Variants in SENP2 observed in about 807,000 individuals in gnomAD.
SENP2 encodes SUMO specific peptidase 2.
In SENP2, 16 loss-of-function variants were observed where a neutral mutation model predicts 86.3. The observed-to-expected ratio is 0.19, with a 90% CI of 0.13 to 0.28. The LOEUF (loss-of-function observed/expected upper bound fraction) is 0.28. Ranked by LOEUF, SENP2 falls within the 10% of genes least tolerant of loss-of-function variation. The pLI is 1.00. For missense variants in SENP2, 552 were observed against 703.0 expected (o/e 0.79, Z 2.43); for synonymous variants, 222 against 238.7 (o/e 0.93, Z 0.64).
intron 1 of SENP2, among the ~76,000 whole-genome samples, chr3:185,587,732 A>ATTTTTTTTTTTTTTTTTTTTTTTT (rs59565990): frequency 1.4e-5 from 1 of 73,028 alleles, no homozygotes; most frequent in African/African-American, 5.9e-5. Context: ...ATGCCCGGCT[A>ATTTTTTTTTTTTTTTTTTTTTTTT]TTTTTTTTTT....
chr3:185,625,346 C>T (rs897403356), intron 15 of SENP2, among the ~76,000 whole-genome samples: 2 of 152,010 alleles, frequency 1.3e-5, no homozygotes, highest in African/African-American at 2.4e-5. Context: ...CTCCTGACCT[C>T]GTGATCCGCC....
chr3:185,615,449 T>G (rs1290074046), intron 11 of SENP2, among the ~76,000 whole-genome samples: 4 of 152,196 alleles, frequency 2.6e-5, no homozygotes, highest in African/African-American at 9.7e-5. Flanking sequence ...GTTCAAGTGA[T>G]TCTCCTGGCT....
intron 2 of SENP2, 107 bp downstream of exon 2, chr3:185,590,276 CG>C: frequency 4.1e-6 from 2 of 489,268 alleles, no homozygotes. Context: ...AAGTCTTGGC[CG>C]GGCGCAGTGG....
At chr3:185,587,584 T>TTTTTTTTTTTTTTTTTG (rs1560186545) in intron 1 of SENP2, among the ~76,000 whole-genome samples, 1 of 149,576 alleles carries the variant, frequency 6.7e-6, no homozygotes, top group Admixed American at 6.7e-5. Context: ...TTTTTTTTTT[T>TTTTTTTTTTTTTTTTTG]GAGAAGGAGT....
chr3:185,628,134 T>TATG (rs1204348690), intron 16 of SENP2, among the ~76,000 whole-genome samples: 3 of 150,952 alleles, frequency 2.0e-5, no homozygotes, highest in African/African-American at 7.4e-5. Context: ...ACTAGTTTAT[T>TATG]ATTATTATTA....
At chr3:185,616,775 C>CAA (rs34897313) in intron 11 of SENP2, among the ~76,000 whole-genome samples, 1,379 of 121,756 alleles carry the variant, frequency 0.011, 27 homozygotes, top group African/African-American at 0.034. Flanking sequence ...ACTCCGTCTC[C>CAA]AAAAAAAAAA....
intron 16 of SENP2, among the ~76,000 whole-genome samples, chr3:185,627,088 A>C (rs1277266849): frequency 6.6e-6 from 1 of 150,920 alleles, no homozygotes; most frequent in African/African-American, 2.4e-5. Flanking sequence ...TGTCTCAAAA[A>C]AAAAAAAAAA....
rs867086532 is a variant in SENP2, at chr3:185,590,990, T to C, written c.157+821T>C. The stretch of plus-strand genomic sequence containing the variant: ...CGCAATCTCGGCTCACTGCAAGCTC[T>C]GCCTCCCAGGTTCACGCCATTCTCC... On this transcript the variant is annotated intron_variant, in intron 2 of 16. Transcript: ENST00000296257. Among the ~76,000 whole-genome samples the C allele has an allele frequency of 7.0e-4, 88 of 126,100 alleles. 1 individual carries two copies. Among genetic ancestry groups the C allele is most frequent in the Admixed American group, 6.7e-4 (8 of 11,906 alleles). The allele number at this position is 126,100 out of a possible 152,430, so 82.7% of individuals were successfully genotyped here.
rs34907174 is a variant in SENP2, at chr3:185,592,619, C to CT, written c.157+2465dup. 3.5e-3 allele frequency among the ~76,000 whole-genome samples: 496 copies of CT among 142,306 alleles called. 2 individuals carry two copies. Among genetic ancestry groups the CT allele is most frequent in the African/African-American group, 0.01 (389 of 38,808 alleles). 93.4% of individuals were successfully genotyped at this position (142,306 alleles called of 152,430 possible). ...ACAAAAATTAGTAAGACAGGGTCTC[C>CT]TTTTTTTTTTTTTTTGAGATGGAGT... On this transcript the variant is annotated intron_variant, in intron 2 of 16. Coordinates refer to ENST00000296257, the MANE Select transcript of SENP2 (RefSeq NM_021627.3).
intron 7 of SENP2, among the ~76,000 whole-genome samples, chr3:185,610,894 C>G (rs978055050): frequency 6.6e-6 from 1 of 151,932 alleles, no homozygotes; most frequent in Non-Finnish European, 1.5e-5. Context: ...GGAGGCGGAG[C>G]TTGCAGTGAG....
intron 11 of SENP2, among the ~76,000 whole-genome samples, chr3:185,615,894 C>T (rs1013327513): frequency 2.7e-4 from 41 of 151,948 alleles, no homozygotes; most frequent in South Asian, 6.2e-4. Flanking sequence ...GATAGAGTCT[C>T]GCTCTGTTGG....
chr3:185,606,796 A>T, intron 6 of SENP2: 1 of 527,374 alleles, frequency 1.9e-6, no homozygotes, highest in Admixed American at 2.1e-5. Flanking sequence ...CTGTGACAGG[A>T]TCAAGCATGT....
intron 8 of SENP2, chr3:185,612,248 C>A: frequency 5.5e-6 from 1 of 181,500 alleles, no homozygotes; most frequent in Non-Finnish European, 1.2e-5. Flanking sequence ...CATAACATGG[C>A]TCTGGATTAT....
Position 185,631,005 on chromosome 3 carries a change from A to G in SENP2, c.*1161A>G, listed in dbSNP as rs1340066405. 1 of 152,194 alleles carries G rather than the reference A, an allele frequency of 6.6e-6. No individual in the cohort carries two copies. Among genetic ancestry groups the G allele is most frequent in the Non-Finnish European group, 1.5e-5 (1 of 68,026 alleles). 9.4% of individuals were successfully genotyped at this position (152,194 alleles called of 1,614,324 possible). On this transcript the variant is annotated 3_prime_UTR_variant, in exon 17 of 17. Transcript: ENST00000296257. ...ACCTTACTGATATGGTTATAACTTC[A>G]GACAGTTTAGAGTTGGTCAGAACAT...
intron 3 of SENP2, among the ~76,000 whole-genome samples, chr3:185,598,757 T>C (rs1577722129): frequency 6.6e-6 from 1 of 152,220 alleles, no homozygotes; most frequent in African/African-American, 2.4e-5. Flanking sequence ...TTATTACATA[T>C]GCTTTCTTAT....
At chr3:185,597,605 C>T (rs1040532165) in intron 2 of SENP2, among the ~76,000 whole-genome samples, 7 of 151,536 alleles carry the variant, frequency 4.6e-5, no homozygotes, top group Admixed American at 2.6e-4. Flanking sequence ...CCACCCACCT[C>T]GGCCTCCCAC....
intron 16 of SENP2, among the ~76,000 whole-genome samples, chr3:185,627,580 T>C (rs1021255507): frequency 1.3e-5 from 2 of 152,126 alleles, no homozygotes; most frequent in African/African-American, 4.8e-5. Flanking sequence ...GCCCAGCTAA[T>C]TTTTGTATTT....
intron 5 of SENP2, 72 bp from the exon 6 acceptor site, chr3:185,606,258 G>A: frequency 5.0e-6 from 7 of 1,400,932 alleles, no homozygotes; most frequent in Non-Finnish European, 6.8e-6. Flanking sequence ...TCACAGGATG[G>A]TCTGGGAGCT....
At position 185,621,903 on chromosome 3, in the gene SENP2, C is replaced by T. The variant is rs561910560; in HGVS notation, c.1524C>T (p.Leu508=). The T allele has an allele frequency of 2.5e-6, 4 of 1,606,836 alleles. No homozygotes were observed. In the South Asian group the frequency reaches 3.3e-5, roughly 13 times the overall value. ...GQKGHRICEI[L]LQYLQDESKT... The stretch of plus-strand genomic sequence containing the variant: ...AGGGCCACAGGATCTGTGAGATTCT[C>T]CTGTAAGTAAAGGTTGAAAACCTCA... Residue 508 remains leucine, a splice_region_variant and synonymous_variant, in exon 14 of 17, where the codon CTC becomes CTT. Transcript: ENST00000296257.
Sources: allele counts gnomAD v4.1 joint callset (sites outside exome capture counted in the v4.1 genomes callset), GRCh38; gene constraint gnomAD v4.1.1; transcripts MANE v1.5; gene names NCBI Gene and HGNC (gene_info 2026-07-23, HGNC 2026-07-21).